The following REEP1 variants were observed in gnomAD, a reference collection of about 807,000 sequenced individuals.
REEP1 encodes receptor expression-enhancing protein 1.
In REEP1, 22 loss-of-function variants were observed where a neutral mutation model predicts 40.3. The ratio of observed to expected loss-of-function variants is 0.55; its 90% CI spans 0.39 to 0.78. The LOEUF (loss-of-function observed/expected upper bound fraction) is 0.78. Among genes scored for constraint, REEP1 ranks in the 30% least tolerant of loss-of-function variants. REEP1 has a pLI of 0.00. For synonymous variants in REEP1, 116 were observed against 139.2 expected (o/e 0.83, Z 1.17); for missense variants, 280 against 361.1 (o/e 0.78, Z 1.82).
At chr2:86,259,513 A>G (rs957967644) in intron 3 of REEP1, among the ~76,000 whole-genome samples, 2 of 151,326 alleles carry the variant, frequency 1.3e-5, no homozygotes, top group African/African-American at 4.9e-5. Flanking sequence ...AGCCTCCTGA[A>G]TAGCTGGGAC....
At chr2:86,244,808 T>C (rs1675844716) in intron 5 of REEP1, among the ~76,000 whole-genome samples, 1 of 152,106 alleles carries the variant, frequency 6.6e-6, no homozygotes, top group Non-Finnish European at 1.5e-5. Flanking sequence ...TCTTCAATAA[T>C]GGAAATGTGC....
At chr2:86,293,538 A>C (rs1678831803) in intron 1 of REEP1, among the ~76,000 whole-genome samples, 1 of 152,244 alleles carries the variant, frequency 6.6e-6, no homozygotes, top group Non-Finnish European at 1.5e-5. Flanking sequence ...TGCACTTGTC[A>C]AAGCTCACAA....
intron 1 of REEP1, among the ~76,000 whole-genome samples, chr2:86,314,775 C>T (rs1365118668): frequency 1.3e-5 from 2 of 148,444 alleles, no homozygotes; most frequent in Non-Finnish European, 3.0e-5. Flanking sequence ...TTGATTGAGC[C>T]CAACAAGCAG....
At chr2:86,321,115 C>T (rs543496148) in intron 1 of REEP1, among the ~76,000 whole-genome samples, 11 of 152,190 alleles carry the variant, frequency 7.2e-5, no homozygotes, top group Non-Finnish European at 1.3e-4. Flanking sequence ...ACACCGCACC[C>T]GGCCAAAATG....
intron 5 of REEP1, among the ~76,000 whole-genome samples, chr2:86,250,809 T>C (rs1676232580): frequency 6.6e-6 from 1 of 152,176 alleles, no homozygotes; most frequent in African/African-American, 2.4e-5. Context: ...CCCGGCCCAG[T>C]GTGCTGAGTC....
chr2:86,300,095 G>A lies in REEP1; in HGVS notation c.33-17853C>T, dbSNP rs564357178. On this transcript the variant is annotated intron_variant, in intron 1 of 8. Coordinates refer to ENST00000538924, the MANE Select transcript of REEP1 (RefSeq NM_001371279.1). ...CTGCTTTAGAATGCTGTTCTGGACT[G>A]TTTGAACCTCTGCACATACAGGAAC... Among the ~76,000 whole-genome samples the A allele has an allele frequency of 2.0e-5, 3 of 152,292 alleles. No homozygotes were observed. In the South Asian group the frequency reaches 6.2e-4, roughly 32 times the overall value.
chr2:86,299,082 C>T (rs2104451846), intron 1 of REEP1, among the ~76,000 whole-genome samples: 1 of 152,312 alleles, frequency 6.6e-6, no homozygotes, highest in South Asian at 2.1e-4. Context: ...AACGTCCAAG[C>T]TGCTTATGTT....
chr2:86,263,202 T>C (rs1176106485), intron 3 of REEP1, among the ~76,000 whole-genome samples: 2 of 152,194 alleles, frequency 1.3e-5, no homozygotes, highest in African/African-American at 2.4e-5. Flanking sequence ...AATGTGTGTA[T>C]ACACACACAC....
rs1408808961 is a variant in REEP1 at position 86,254,882 on chromosome 2, A to C, written c.183-68T>G. On this transcript the variant is annotated intron_variant, in intron 3 of 8. Coordinates refer to ENST00000538924, the MANE Select transcript of REEP1 (RefSeq NM_001371279.1). Reference sequence around the variant, plus strand: ...CAACACTGCCCTTTTGAAGGATGAGACCCGGTGGGTGGCAAGGACGCCTCT... The same window carrying C: ...CAACACTGCCCTTTTGAAGGATGAGCCCCGGTGGGTGGCAAGGACGCCTCT... 9 of 1,579,586 alleles carry C rather than the reference A, an allele frequency of 5.7e-6. No homozygotes were observed. In the Admixed American group the frequency reaches 6.8e-5, roughly 12 times the overall value.
intron 1 of REEP1, among the ~76,000 whole-genome samples, chr2:86,284,484 G>A (rs188103381): frequency 1.2e-4 from 19 of 152,312 alleles, no homozygotes; most frequent in Admixed American, 9.8e-4. Flanking sequence ...GCACCATCCA[G>A]GGAACGCTCG....
intron 1 of REEP1, among the ~76,000 whole-genome samples, chr2:86,322,638 G>T (rs569865901): frequency 6.6e-6 from 1 of 152,086 alleles, no homozygotes; most frequent in African/African-American, 2.4e-5. Flanking sequence ...TATTTTGGTA[G>T]AGACAGGTTT....
intron 7 of REEP1, 79 bp from the exon 8 acceptor site, chr2:86,220,200 A>G: frequency 2.0e-6 from 2 of 1,020,898 alleles, no homozygotes; most frequent in Non-Finnish European, 2.5e-6. Context: ...GGGAAGGGCA[A>G]GGTTAGGCAC....
At chr2:86,275,473 C>G (rs947224871) in intron 2 of REEP1, among the ~76,000 whole-genome samples, 1 of 152,220 alleles carries the variant, frequency 6.6e-6, no homozygotes, top group East Asian at 1.9e-4. Context: ...AGAGTCTATA[C>G]TCTAAATTAC....
At chr2:86,318,588 G>C (rs1306334767) in intron 1 of REEP1, among the ~76,000 whole-genome samples, 1 of 151,898 alleles carries the variant, frequency 6.6e-6, no homozygotes, top group Non-Finnish European at 1.5e-5. Flanking sequence ...AGTAGAGACG[G>C]GGTTTCACCA....
At chr2:86,334,490 C>T (rs1015884359) in intron 1 of REEP1, among the ~76,000 whole-genome samples, 3 of 152,154 alleles carry the variant, frequency 2.0e-5, no homozygotes, top group Non-Finnish European at 4.4e-5. Flanking sequence ...GGAAAAAGCA[C>T]TGGACTGGAC....
intron 3 of REEP1, among the ~76,000 whole-genome samples, chr2:86,262,883 C>T (rs988208057): frequency 6.6e-6 from 1 of 152,242 alleles, no homozygotes; most frequent in African/African-American, 2.4e-5. Flanking sequence ...ATATTATTTA[C>T]AGCTTCTTTC....
At chr2:86,266,068 T>G (rs1159042971) in intron 2 of REEP1, among the ~76,000 whole-genome samples, 1 of 152,160 alleles carries the variant, frequency 6.6e-6, no homozygotes, top group East Asian at 1.9e-4. Context: ...GGAGAAAAAT[T>G]GGTCAATAGA....
intron 3 of REEP1, among the ~76,000 whole-genome samples, chr2:86,259,704 TA>T (rs994108113): frequency 2.7e-5 from 4 of 148,560 alleles, no homozygotes; most frequent in Non-Finnish European, 3.0e-5. Context: ...ATTTTATAAC[TA>T]AAAAAAAAAA....
At chr2:86,302,846 C>A (rs1679312721) in intron 1 of REEP1, among the ~76,000 whole-genome samples, 1 of 152,100 alleles carries the variant, frequency 6.6e-6, no homozygotes, top group African/African-American at 2.4e-5. Flanking sequence ...TTTATCCTTT[C>A]CTTTTCTTCC....
Sources: allele counts gnomAD v4.1 joint callset (sites outside exome capture counted in the v4.1 genomes callset), GRCh38; gene constraint gnomAD v4.1.1; transcripts MANE v1.5; gene names NCBI Gene and HGNC (gene_info 2026-07-23, HGNC 2026-07-21).